Variants in SYN2 observed in about 807,000 individuals in gnomAD.
The protein encoded by SYN2 is synapsin II.
A neutral mutation model predicts 50.9 loss-of-function variants in SYN2; 19 were observed. The observed-to-expected ratio is 0.37, with a 90% CI of 0.26 to 0.55. SYN2 has a LOEUF of 0.55. Ranked by LOEUF, SYN2 falls within the 20% of genes least tolerant of loss-of-function variation. The probability of loss-of-function intolerance (pLI) is 0.81; values close to 1 mark genes in which losing one functional copy is unlikely to be tolerated. For missense variants in SYN2, 587 were observed against 576.4 expected, an observed-to-expected ratio of 1.02 and a Z score of -0.19; for synonymous variants, 255 against 224.9, an observed-to-expected ratio of 1.13 and a Z score of -1.20.
chr3:12,090,980 T>G lies in SYN2; in HGVS notation c.378-49671T>G, dbSNP rs112586888. 9.6e-3 allele frequency among the ~76,000 whole-genome samples: 1,466 copies of G among 152,300 alleles called. 8 individuals are homozygous for G. Among genetic ancestry groups the G allele is most frequent in the Admixed American group, 0.015 (223 of 15,306 alleles). On this transcript the variant is annotated intron_variant, in intron 1 of 12. Coordinates refer to ENST00000621198, the MANE Select transcript of SYN2 (RefSeq NM_133625.6). The stretch of plus-strand genomic sequence containing the variant: ...ATATTGTGTTCCATAATGTAGTTAG[T>G]TTTAATATCAGCATGTTTTAAATTG...
intron 1 of SYN2, among the ~76,000 whole-genome samples, chr3:12,109,306 C>G (rs1200731785): frequency 6.6e-6 from 1 of 152,128 alleles, no homozygotes; most frequent in Admixed American, 6.5e-5. Context: ...TCTCGCTGTG[C>G]TCATTATCTG....
intron 10 of SYN2, among the ~76,000 whole-genome samples, chr3:12,171,294 G>A (rs1242856016): frequency 6.6e-6 from 1 of 152,140 alleles, no homozygotes; most frequent in East Asian, 1.9e-4. Flanking sequence ...CAGGCCTATG[G>A]TGAGATTTTA....
At chr3:12,115,746 G>A (rs1469682379) in intron 1 of SYN2, among the ~76,000 whole-genome samples, 1 of 152,024 alleles carries the variant, frequency 6.6e-6, no homozygotes, top group African/African-American at 2.4e-5. Context: ...TTTTGGGAGT[G>A]CTGTCTTGCT....
At chr3:12,050,234 C>T (rs1423890244) in intron 1 of SYN2, among the ~76,000 whole-genome samples, 1 of 151,606 alleles carries the variant, frequency 6.6e-6, no homozygotes, top group Non-Finnish European at 1.5e-5. Flanking sequence ...GGTTATAATT[C>T]TCTGCAAGAT....
At chr3:12,133,502 T>A (rs1696832935) in intron 1 of SYN2, among the ~76,000 whole-genome samples, 1 of 152,280 alleles carries the variant, frequency 6.6e-6, no homozygotes, top group African/African-American at 2.4e-5. Context: ...TCTGATTTTT[T>A]AAATGTCGTT....
At chr3:12,045,442 G>A (rs1694714280) in intron 1 of SYN2, among the ~76,000 whole-genome samples, 1 of 152,082 alleles carries the variant, frequency 6.6e-6, no homozygotes, top group Non-Finnish European at 1.5e-5. Context: ...GTTTTTTTCT[G>A]GGTTAAATAA....
At chr3:12,080,088 A>ATCT (rs1489863435) in intron 1 of SYN2, among the ~76,000 whole-genome samples, 2 of 152,044 alleles carry the variant, frequency 1.3e-5, no homozygotes, top group Non-Finnish European at 2.9e-5. Context: ...GTTTATTTGC[A>ATCT]TAGAGGTGTT....
At position 12,142,049 on chromosome 3, in the gene SYN2, C is replaced by T. The variant is rs1045931103; in HGVS notation, c.527+53C>T. On this transcript the variant is annotated intron_variant, in intron 3 of 12. Transcript: ENST00000621198. ...TTGTGACTGTCTCCAGAGTTACTAC[C>T]TCTGGCCCAAAGAGGTGGTTTCTAA... 5.2e-6 allele frequency: 4 copies of T among 776,174 alleles called. No homozygotes were observed. In the African/African-American group the frequency reaches 6.8e-5, roughly 13 times the overall value. The allele number at this position is 776,174 out of a possible 1,614,324, so 48.1% of individuals were successfully genotyped here. A position where few individuals can be genotyped will look rare whatever the true frequency, so the allele number is the denominator to read the frequency against.
intron 10 of SYN2, among the ~76,000 whole-genome samples, chr3:12,182,351 C>CTTGAT (rs1401760655): frequency 6.6e-6 from 1 of 152,114 alleles, no homozygotes; most frequent in Non-Finnish European, 1.5e-5. Context: ...TTGACATCAC[C>CTTGAT]GTTGGCACAC....
At position 12,084,571 on chromosome 3, in the gene SYN2, A is replaced by G. The variant is rs560963245; in HGVS notation, c.378-56080A>G. On this transcript the variant is annotated intron_variant, in intron 1 of 12. Coordinates refer to ENST00000621198, the MANE Select transcript of SYN2 (RefSeq NM_133625.6). Reference sequence around the variant, plus strand: ...GAAAATGTTACTAAGCAGTAACACAAAAACATGAAAGTACAAAACTCACTG... The same window carrying G: ...GAAAATGTTACTAAGCAGTAACACAGAAACATGAAAGTACAAAACTCACTG... 2.6e-5 allele frequency among the ~76,000 whole-genome samples: 4 copies of G among 152,334 alleles called. No homozygotes were observed. The South Asian group carries it at 6.2e-4, about 24-fold the overall frequency.
intron 1 of SYN2, among the ~76,000 whole-genome samples, chr3:12,111,643 G>A (rs1014797304): frequency 6.6e-6 from 1 of 152,126 alleles, no homozygotes; most frequent in African/African-American, 2.4e-5. Context: ...TATATCTTAA[G>A]TGGGACTTCT....
Position 12,192,017 on chromosome 3 carries a change from T to C in SYN2, c.*1392T>C, listed in dbSNP as rs1698453032. Among the ~76,000 whole-genome samples, 1 of 152,218 alleles carries C rather than the reference T, an allele frequency of 6.6e-6. No homozygotes were observed. Among genetic ancestry groups the C allele is most frequent in the Non-Finnish European group, 1.5e-5 (1 of 68,040 alleles). On this transcript the variant is annotated 3_prime_UTR_variant, in exon 13 of 13. Coordinates refer to ENST00000621198, the MANE Select transcript of SYN2 (RefSeq NM_133625.6). ...TACATCTGCACCAATAAAAAATCCA[T>C]ATATTAAAATGTTAATATCTGAATG...
At chr3:12,161,136 C>G (rs567204214) in intron 5 of SYN2, among the ~76,000 whole-genome samples, 95 of 152,304 alleles carry the variant, frequency 6.2e-4, no homozygotes, top group African/African-American at 2.1e-3. Flanking sequence ...ACAGGGACAT[C>G]AAGATGCCAA....
chr3:12,019,031 TC>T lies in SYN2; in HGVS notation c.377+14104del, dbSNP rs556636105. Among the ~76,000 whole-genome samples, 860 of 152,318 alleles carry T rather than the reference TC, an allele frequency of 5.6e-3. 24 individuals carry two copies. Among genetic ancestry groups the T allele is most frequent in the Non-Finnish European group, 9.1e-4 (62 of 68,026 alleles). Reference sequence around the variant, plus strand: ...TTTTCTTACTTTTTGGTGCCTTCTCTCTCCAATGATGCCTCTTATTCTCTGT... The same window carrying T: ...TTTTCTTACTTTTTGGTGCCTTCTCTTCCAATGATGCCTCTTATTCTCTGT... On this transcript the variant is annotated intron_variant, in intron 1 of 12. Coordinates refer to ENST00000621198, the MANE Select transcript of SYN2 (RefSeq NM_133625.6).
chr3:12,154,005 T>C (rs1379970450), intron 5 of SYN2, among the ~76,000 whole-genome samples: 1 of 152,250 alleles, frequency 6.6e-6, no homozygotes, highest in Admixed American at 6.5e-5. Context: ...AATGGAAATC[T>C]TAATTCTTCA....
At position 12,183,331 on chromosome 3, in the gene SYN2, C is replaced by T. The variant is rs749073807; in HGVS notation, c.1328C>T (p.Pro443Leu). ...QQPQSGTLKD[P>L]DSSKTPPQRP... ...TTCCAGAGCGGAACACTTAAGGATC[C>T]GGACTCAAGCAAGACCCCACCTCAG... The change falls in exon 11 of 13, where the codon CCG becomes CTG. Residue 443 changes from proline to leucine, a missense_variant. Physicochemically the swap from Pro to Leu is moderately conservative, Grantham distance 98. Transcript: ENST00000621198. 1.8e-5 allele frequency: 29 copies of T among 1,613,202 alleles called. No homozygotes were observed. Among genetic ancestry groups the T allele is most frequent in the South Asian group, 2.2e-5 (2 of 90,928 alleles).
chr3:12,073,597 G>A (rs996493227), intron 1 of SYN2, among the ~76,000 whole-genome samples: 1 of 152,112 alleles, frequency 6.6e-6, no homozygotes, highest in African/African-American at 2.4e-5. Context: ...TACATTTATT[G>A]TAGTTGGATT....
intron 1 of SYN2, among the ~76,000 whole-genome samples, chr3:12,036,772 C>G (rs1482401519): frequency 1.3e-5 from 2 of 152,212 alleles, no homozygotes; most frequent in Non-Finnish European, 2.9e-5. Flanking sequence ...TTAGTATTCT[C>G]TCCTGAATAC....
chr3:12,187,541 C>T lies in SYN2; in HGVS notation c.1542C>T (p.Ser514=). The change falls in exon 12 of 13, where the codon AGC becomes AGT. Residue 514 remains serine (S), a synonymous_variant. Coordinates refer to ENST00000621198, the MANE Select transcript of SYN2 (RefSeq NM_133625.6). ...CCCACGGAGATGCACCCTCCAGCAG[C>T]AGCTCCCTGGCAGAGGCCCAGCCAC... ...PTTHGDAPSS[S]SSLAEAQPPL... is the part of the protein sequence containing the mutation. 1 of 1,552,456 alleles carries T rather than the reference C, an allele frequency of 6.4e-7. No individual in the cohort carries two copies. The highest frequency in any genetic ancestry group is 8.7e-7 in the Non-Finnish European group (1 of 1,147,288).
Sources: gnomAD v4.1 joint callset for allele counts (sites outside exome capture counted in the v4.1 genomes callset) on GRCh38, gnomAD v4.1.1 for gene constraint, MANE v1.5 for transcripts, NCBI Gene and HGNC (gene_info 2026-07-23, HGNC 2026-07-21) for gene names.